Variants in CTNND2 observed in about 807,000 individuals in gnomAD.
CTNND2 encodes the protein catenin delta-2.
In CTNND2, 22 loss-of-function variants were observed where a neutral mutation model predicts 144.4. That is an observed-to-expected ratio of 0.15 (90% CI 0.11 to 0.22). The LOEUF (loss-of-function observed/expected upper bound fraction) is 0.22. Among genes scored for constraint, CTNND2 ranks in the 10% least tolerant of loss-of-function variants. CTNND2 has a pLI of 1.00. For synonymous variants in CTNND2, 751 were observed against 695.6 expected, an observed-to-expected ratio of 1.08 and a Z score of -1.25; for missense variants, 1,353 against 1,618.8, an observed-to-expected ratio of 0.84 and a Z score of 2.82.
At chr5:11,583,652 T>G (rs915882070) in intron 2 of CTNND2, among the ~76,000 whole-genome samples, 1 of 152,234 alleles carries the variant, frequency 6.6e-6, no homozygotes, top group Non-Finnish European at 1.5e-5. Flanking sequence ...ACACTGGATG[T>G]GCAAAATAAT....
chr5:11,732,292 G>T lies in CTNND2; in HGVS notation c.38-20C>A. 1 of 1,608,614 alleles carries T rather than the reference G, an allele frequency of 6.2e-7. No homozygotes were observed. The stretch of plus-strand genomic sequence containing the variant: ...TAGCTCCTGCAAGGCAAGAGGACAT[G>T]ATCAATACAATCAGATGTTGACACT... On this transcript the variant is annotated intron_variant, in intron 1 of 21. Coordinates refer to ENST00000304623, the MANE Select transcript of CTNND2 (RefSeq NM_001332.4).
chr5:11,485,662 T>A (rs922220742), intron 3 of CTNND2, among the ~76,000 whole-genome samples: 6 of 152,152 alleles, frequency 3.9e-5, no homozygotes, highest in African/African-American at 1.4e-4. Flanking sequence ...ATTTAACAAA[T>A]GATAAGTGTT....
chr5:10,975,362 T>A (rs1736323784), intron 21 of CTNND2, among the ~76,000 whole-genome samples: 2 of 152,198 alleles, frequency 1.3e-5, no homozygotes, highest in African/African-American at 4.8e-5. Flanking sequence ...TAGCAAATTC[T>A]TTAATACTCC....
intron 3 of CTNND2, among the ~76,000 whole-genome samples, chr5:11,434,473 C>T (rs1165411910): frequency 1.3e-5 from 2 of 152,156 alleles, no homozygotes; most frequent in African/African-American, 4.8e-5. Flanking sequence ...AAGACTGGTG[C>T]ATTTCCTTGT....
At chr5:11,265,081 A>G (rs1366355746) in intron 9 of CTNND2, among the ~76,000 whole-genome samples, 1 of 152,228 alleles carries the variant, frequency 6.6e-6, no homozygotes, top group Non-Finnish European at 1.5e-5. Flanking sequence ...TTAGAACTAT[A>G]TTATCTTGGC....
chr5:11,522,669 G>A (rs1772849328), intron 3 of CTNND2, among the ~76,000 whole-genome samples: 1 of 152,104 alleles, frequency 6.6e-6, no homozygotes, highest in African/African-American at 2.4e-5. Context: ...TATCATAAAC[G>A]AGTATTTCCC....
intron 7 of CTNND2, among the ~76,000 whole-genome samples, chr5:11,368,656 T>C (rs1757191965): frequency 6.6e-6 from 1 of 152,188 alleles, no homozygotes; most frequent in Non-Finnish European, 1.5e-5. Context: ...TGATGTTCAA[T>C]AGTTTGAGGT....
chr5:11,670,285 T>C (rs1783814100), intron 2 of CTNND2, among the ~76,000 whole-genome samples: 1 of 152,202 alleles, frequency 6.6e-6, no homozygotes, highest in African/African-American at 2.4e-5. Flanking sequence ...CAGAGCTGAG[T>C]TCAAGTCCTG....
chr5:11,647,492 C>T (rs1237223526), intron 2 of CTNND2, among the ~76,000 whole-genome samples: 1 of 151,946 alleles, frequency 6.6e-6, no homozygotes, highest in Non-Finnish European at 1.5e-5. Flanking sequence ...TGAAGGGTGG[C>T]TTCCATGCAA....
chr5:11,435,054 G>A (rs1007471325), intron 3 of CTNND2, among the ~76,000 whole-genome samples: 10 of 152,050 alleles, frequency 6.6e-5, no homozygotes, highest in East Asian at 1.9e-4. Flanking sequence ...TCAGTGTCAC[G>A]AGATAAATGG....
chr5:11,594,422 T>C (rs1028808838), intron 2 of CTNND2, among the ~76,000 whole-genome samples: 1 of 152,106 alleles, frequency 6.6e-6, no homozygotes, highest in African/African-American at 2.4e-5. Context: ...TTGAAAGCTA[T>C]AACAGGCATG....
At chr5:11,232,710 A>G (rs945806269) in intron 10 of CTNND2, among the ~76,000 whole-genome samples, 4 of 152,228 alleles carry the variant, frequency 2.6e-5, no homozygotes, top group Non-Finnish European at 4.4e-5. Context: ...GTTAATGCTG[A>G]AATGAGTTAA....
chr5:11,873,482 T>A (rs1735318233), intron 1 of CTNND2, among the ~76,000 whole-genome samples: 1 of 152,166 alleles, frequency 6.6e-6, no homozygotes, highest in African/African-American at 2.4e-5. Context: ...CCCCTTTATA[T>A]TTATCTTTCA....
chr5:11,616,384 C>G (rs1020262044), intron 2 of CTNND2, among the ~76,000 whole-genome samples: 8 of 152,310 alleles, frequency 5.3e-5, no homozygotes, highest in Admixed American at 4.6e-4. Context: ...AATGCCTTGT[C>G]ACACATGACC....
chr5:11,835,455 T>A (rs1357941431), intron 1 of CTNND2, among the ~76,000 whole-genome samples: 1 of 152,220 alleles, frequency 6.6e-6, no homozygotes. Flanking sequence ...TTTCTTTTTT[T>A]CTTTTCTGGA....
chr5:11,463,038 A>C (rs2149937745), intron 3 of CTNND2, among the ~76,000 whole-genome samples: 1 of 152,362 alleles, frequency 6.6e-6, no homozygotes, highest in Non-Finnish European at 1.5e-5. Flanking sequence ...CCCTTCAAAG[A>C]TTAATCACAC....
At chr5:11,133,375 G>A (rs1030551155) in intron 12 of CTNND2, among the ~76,000 whole-genome samples, 3 of 150,886 alleles carry the variant, frequency 2.0e-5, no homozygotes, top group African/African-American at 7.3e-5. Context: ...TTTTTGAGAC[G>A]CAGTTTCACT....
intron 1 of CTNND2, among the ~76,000 whole-genome samples, chr5:11,771,015 T>C (rs1209575993): frequency 6.6e-6 from 1 of 152,136 alleles, no homozygotes; most frequent in Non-Finnish European, 1.5e-5. Flanking sequence ...TTTTCTTTAA[T>C]GTATGTCCAC....
At chr5:11,589,523 CA>C (rs1779102142) in intron 2 of CTNND2, among the ~76,000 whole-genome samples, 1 of 152,068 alleles carries the variant, frequency 6.6e-6, no homozygotes, top group Admixed American at 6.5e-5. Context: ...GATTACAATT[CA>C]AAGAGAATAC....
Sources: allele counts gnomAD v4.1 joint callset (sites outside exome capture counted in the v4.1 genomes callset), GRCh38; gene constraint gnomAD v4.1.1; transcripts MANE v1.5; gene names NCBI Gene and HGNC (gene_info 2026-07-23, HGNC 2026-07-21).